The following UBE3C variants were observed in gnomAD, a reference collection of about 807,000 sequenced individuals.
UBE3C encodes ubiquitin protein ligase E3C.
A neutral mutation model predicts 129.4 loss-of-function variants in UBE3C; 42 were observed. That is an observed-to-expected ratio of 0.32 (90% CI 0.25 to 0.42). The LOEUF (loss-of-function observed/expected upper bound fraction) is 0.42. Among genes scored for constraint, UBE3C ranks in the 10% least tolerant of loss-of-function variants. The pLI is 1.00. For synonymous variants in UBE3C, 510 were observed against 492.4 expected (o/e 1.04, Z -0.47); for missense variants, 1,049 against 1,319.1 (o/e 0.80, Z 3.17).
At chr7:157,264,997 G>A (rs572134714) in intron 22 of UBE3C, among the ~76,000 whole-genome samples, 1 of 152,302 alleles carries the variant, frequency 6.6e-6, no homozygotes, top group South Asian at 2.1e-4. Context: ...TAATGGGCTT[G>A]TAGTGTCCCA....
intron 1 of UBE3C, among the ~76,000 whole-genome samples, chr7:157,147,226 C>G (rs948192722): frequency 6.6e-6 from 1 of 152,044 alleles, no homozygotes; most frequent in South Asian, 2.1e-4. Flanking sequence ...TATAATTTTC[C>G]TTATATATAC....
chr7:157,202,654 CAAAAAAAA>C (rs930672124), intron 11 of UBE3C, among the ~76,000 whole-genome samples: 1 of 149,856 alleles, frequency 6.7e-6, no homozygotes, highest in African/African-American at 2.5e-5. Context: ...GACTTCCTCT[CAAAAAAAA>C]AGAAAAAAAG....
intron 13 of UBE3C, among the ~76,000 whole-genome samples, chr7:157,213,290 T>TA (rs1447515471): frequency 6.6e-6 from 1 of 152,366 alleles, no homozygotes; most frequent in East Asian, 1.9e-4. Context: ...TCATATAACT[T>TA]ACCACACTGG....
In UBE3C at chr7:157,218,389, C is replaced by T. The variant is rs547127531; in HGVS notation, c.1914+1418C>T. ...GCTTGAACCTGGGATGCGGAGGTTG[C>T]AGTAAGCTGAGATCACGCCACTGCA... On this transcript the variant is annotated intron_variant, in intron 14 of 22. Transcript: ENST00000348165. 1.8e-4 allele frequency among the ~76,000 whole-genome samples: 27 copies of T among 151,618 alleles called. 1 individual carries two copies. In the South Asian group the frequency reaches 5.6e-3, roughly 32 times the overall value.
chr7:157,179,740 A>T (rs1808619943), intron 6 of UBE3C, among the ~76,000 whole-genome samples: 1 of 152,240 alleles, frequency 6.6e-6, no homozygotes, highest in Non-Finnish European at 1.5e-5. Flanking sequence ...AGTCTGGGTT[A>T]CATCTAACGG....
intron 22 of UBE3C, among the ~76,000 whole-genome samples, chr7:157,259,612 G>A (rs546278614): frequency 2.0e-5 from 3 of 152,266 alleles, no homozygotes; most frequent in African/African-American, 4.8e-5. Context: ...CTAAGTGAAC[G>A]AAGCAAGACA....
intron 1 of UBE3C, among the ~76,000 whole-genome samples, chr7:157,155,767 A>C (rs1167137833): frequency 1.3e-5 from 2 of 152,240 alleles, no homozygotes; most frequent in African/African-American, 4.8e-5. Flanking sequence ...TTTAATGTTC[A>C]GAGAAGATAA....
At chr7:157,231,514 C>A in intron 18 of UBE3C, 187 bp downstream of exon 18, 2 of 754,788 alleles carry the variant, frequency 2.6e-6, no homozygotes, top group South Asian at 1.9e-5. Flanking sequence ...TTTGAATGTC[C>A]CCTCCAAACT....
At chr7:157,220,463 T>C (rs1795707034) in intron 14 of UBE3C, among the ~76,000 whole-genome samples, 1 of 152,218 alleles carries the variant, frequency 6.6e-6, no homozygotes, top group African/African-American at 2.4e-5. Flanking sequence ...TAGAGATTTC[T>C]TTGGGGCATA....
In UBE3C at chr7:157,261,523, G is replaced by T. The variant is rs188377869; in HGVS notation, c.3081+4479G>T. On this transcript the variant is annotated intron_variant, in intron 22 of 22. Transcript: ENST00000348165. ...TTCCATGATAAGTGTTTTTGAAGTT[G>T]TTATATGTTAGACATCCAGTTTGGA... is the stretch of plus-strand genomic sequence containing the variant. Among the ~76,000 whole-genome samples, 329 of 152,134 alleles carry T rather than the reference G, an allele frequency of 2.2e-3. 1 individual carries two copies. Among genetic ancestry groups the T allele is most frequent in the Non-Finnish European group, 3.8e-3 (257 of 67,988 alleles).
chr7:157,235,757 A>G (rs1474488935), intron 18 of UBE3C, among the ~76,000 whole-genome samples: 3 of 152,216 alleles, frequency 2.0e-5, no homozygotes, highest in Non-Finnish European at 4.4e-5. Flanking sequence ...AGTTTCACAT[A>G]TTTAAGACTT....
At chr7:157,239,130 A>G (rs1347655368) in intron 18 of UBE3C, among the ~76,000 whole-genome samples, 1 of 152,226 alleles carries the variant, frequency 6.6e-6, no homozygotes, top group African/African-American at 2.4e-5. Context: ...AGAAATGTGT[A>G]CCTATTAATT....
At position 157,181,504 on chromosome 7, in the gene UBE3C, G is replaced by T; in HGVS notation, c.617-14G>T. 1 of 1,547,232 alleles carries T rather than the reference G, an allele frequency of 6.5e-7. No individual in the cohort carries two copies. The highest frequency in any genetic ancestry group is 8.7e-7 in the Non-Finnish European group (1 of 1,154,738). On this transcript the variant is annotated splice_polypyrimidine_tract_variant and intron_variant, in intron 6 of 22. Transcript: ENST00000348165. ...AAAAGGCACTAAATTTTAAATATGT[G>T]TTTTTCCTTTTAGGGTATTATAGGT...
intron 10 of UBE3C, chr7:157,197,512 T>G (rs1040153502): frequency 3.9e-5 from 30 of 760,038 alleles, no homozygotes; most frequent in African/African-American, 9.9e-5. Context: ...ATAATTTGTT[T>G]TTTTTTTTTT....
At position 157,216,799 on chromosome 7, in the gene UBE3C, T is replaced by C. The variant is rs528075291; in HGVS notation, c.1810-68T>C. The C allele has an allele frequency of 2.5e-5, 32 of 1,258,906 alleles. No individual in the cohort carries two copies. In the South Asian group the frequency reaches 2.9e-4, roughly 11 times the overall value. The allele number at this position is 1,258,906 out of a possible 1,614,324, so 78.0% of individuals were successfully genotyped here. ...CGCTGTGTGCTCCTCCTCGAGTGAA[T>C]GTATGGCTCACTGTGCATTGTGCTG... On this transcript the variant is annotated intron_variant, in intron 13 of 22. Coordinates refer to ENST00000348165, the MANE Select transcript of UBE3C (RefSeq NM_014671.3).
intron 1 of UBE3C, among the ~76,000 whole-genome samples, chr7:157,139,556 C>G (rs937344951): frequency 6.6e-6 from 1 of 151,886 alleles, no homozygotes; most frequent in Non-Finnish European, 1.5e-5. Flanking sequence ...GGGGCCAGGA[C>G]TCTGGCTGGG....
rs1808338961 is a variant in UBE3C at position 157,170,527 on chromosome 7, C to G, written c.342+77C>G. On this transcript the variant is annotated intron_variant, in intron 4 of 22. Coordinates refer to ENST00000348165, the MANE Select transcript of UBE3C (RefSeq NM_014671.3). ...TTTGTTTAAAGTGGAAATGGCTTCT[C>G]ATCAGAAAGTTAAACAGCTCTCCAC... The G allele has an allele frequency of 3.6e-6, 5 of 1,387,574 alleles. No individual in the cohort carries two copies. The South Asian group carries it at 9.2e-5, about 25-fold the overall frequency. The allele number at this position is 1,387,574 out of a possible 1,614,324, so 86.0% of individuals were successfully genotyped here.
intron 1 of UBE3C, among the ~76,000 whole-genome samples, chr7:157,147,848 T>TA (rs1807649271): frequency 1.3e-5 from 2 of 152,358 alleles, no homozygotes; most frequent in South Asian, 4.1e-4. Flanking sequence ...ATTAAGTCAT[T>TA]TTAGAATATT....
chr7:157,231,562 A>G, intron 18 of UBE3C: 1 of 535,870 alleles, frequency 1.9e-6, no homozygotes, highest in Non-Finnish European at 3.3e-6. Flanking sequence ...CAGTATTCAG[A>G]GGTGGAATCT....
Sources: gnomAD v4.1 joint callset for allele counts (sites outside exome capture counted in the v4.1 genomes callset) on GRCh38, gnomAD v4.1.1 for gene constraint, MANE v1.5 for transcripts, NCBI Gene and HGNC (gene_info 2026-07-23, HGNC 2026-07-21) for gene names.